Variants in HMOX2 observed in about 807,000 individuals in gnomAD.
HMOX2 encodes heme oxygenase (decycling) 2.
HMOX2 carries 30 observed loss-of-function variants against 33.7 expected under a neutral mutation model. The observed-to-expected ratio is 0.89, with a 90% CI of 0.67 to 1.21. HMOX2 has a LOEUF of 1.21. Ranked by LOEUF, HMOX2 falls within the 50% of genes most tolerant of loss-of-function variation. The pLI is 0.00. For synonymous variants in HMOX2, 155 were observed against 155.0 expected (o/e 1.00, Z 0.00); for missense variants, 403 against 399.1 (o/e 1.01, Z -0.08).
chr16:4,507,070 T>A (rs2058712510), intron 3 of HMOX2, 58 bp downstream of exon 3: 2 of 1,156,752 alleles, frequency 1.7e-6, no homozygotes, highest in Middle Eastern at 4.0e-4. Flanking sequence ...GGGGCCTTGG[T>A]CCCATGAGAA....
intron 1 of HMOX2, among the ~76,000 whole-genome samples, chr16:4,494,694 C>G (rs1172927762): frequency 6.6e-6 from 1 of 152,120 alleles, no homozygotes; most frequent in East Asian, 1.9e-4. Flanking sequence ...GCCTGGACAA[C>G]ATGGTGAAAC....
chr16:4,502,037 T>C (rs2058571824), intron 1 of HMOX2, among the ~76,000 whole-genome samples: 2 of 152,162 alleles, frequency 1.3e-5, no homozygotes, highest in African/African-American at 4.8e-5. Context: ...GTGTAGAAAA[T>C]TTGAAGTCGT....
In HMOX2 at chr16:4,489,900, C is replaced by T. The variant is rs1013936193; in HGVS notation, c.-42+13413C>T. Among the ~76,000 whole-genome samples, 5 of 152,288 alleles carry T rather than the reference C, an allele frequency of 3.3e-5. No individual in the cohort carries two copies. In the East Asian group the frequency reaches 5.8e-4, roughly 18 times the overall value. On this transcript the variant is annotated intron_variant, in intron 1 of 5. Transcript: ENST00000570646. ...TGTTGGGATTACAGGCGTGAGCCACCGCGCCCAGCCCATTATTCTTATATC... is the reference window on the plus strand; with the variant it reads ...TGTTGGGATTACAGGCGTGAGCCACTGCGCCCAGCCCATTATTCTTATATC...
At chr16:4,488,485 AT>A (rs1006958018) in intron 1 of HMOX2, among the ~76,000 whole-genome samples, 1 of 150,934 alleles carries the variant, frequency 6.6e-6, no homozygotes. Context: ...GGGATTTTTT[AT>A]TTTTTTTTCA....
intron 1 of HMOX2, among the ~76,000 whole-genome samples, chr16:4,483,383 C>G (rs932620266): frequency 2.7e-5 from 4 of 150,524 alleles, no homozygotes; most frequent in African/African-American, 1.0e-4. Context: ...AATCAGCCCC[C>G]ATCTAGGAGC....
At chr16:4,478,971 A>G (rs893894780) in intron 1 of HMOX2, among the ~76,000 whole-genome samples, 7 of 152,062 alleles carry the variant, frequency 4.6e-5, no homozygotes, top group African/African-American at 1.4e-4. Flanking sequence ...CCTGGCTAAC[A>G]TTGTGAAACC....
chr16:4,488,541 C>T (rs1596454130), intron 1 of HMOX2: 1 of 151,938 alleles, frequency 6.6e-6, no homozygotes, highest in East Asian at 1.9e-4. Flanking sequence ...ATAATGATAA[C>T]CTAAGGCCTT....
At chr16:4,493,473 ATCACTG>A (rs1445035897) in intron 1 of HMOX2, among the ~76,000 whole-genome samples, 4 of 152,232 alleles carry the variant, frequency 2.6e-5, no homozygotes, top group Non-Finnish European at 5.9e-5. Flanking sequence ...TGGAATTGTT[ATCACTG>A]TCCTTTACAG....
chr16:4,491,913 A>C (rs1374066260), intron 1 of HMOX2, among the ~76,000 whole-genome samples: 1 of 151,832 alleles, frequency 6.6e-6, no homozygotes, highest in Admixed American at 6.6e-5. Context: ...CGAGCTCCTG[A>C]CCTTGTGATT....
chr16:4,509,570 G>C (rs1187263029), intron 5 of HMOX2, 32 bp downstream of exon 5: 1 of 1,614,068 alleles, frequency 6.2e-7, no homozygotes, highest in Non-Finnish European at 8.5e-7. Context: ...TCCCCTCCTG[G>C]GGCAGGTGTA....
chr16:4,486,367 A>G (rs923371003), intron 1 of HMOX2, among the ~76,000 whole-genome samples: 2 of 152,128 alleles, frequency 1.3e-5, no homozygotes, highest in African/African-American at 4.8e-5. Context: ...TTCCTAGGAG[A>G]GGACTGCTGA....
intron 1 of HMOX2, among the ~76,000 whole-genome samples, chr16:4,489,785 G>T (rs973136689): frequency 6.6e-6 from 1 of 151,882 alleles, no homozygotes; most frequent in African/African-American, 2.4e-5. Flanking sequence ...ATAATTTTTG[G>T]GGGGAGGTAG....
intron 1 of HMOX2, among the ~76,000 whole-genome samples, chr16:4,489,661 G>A (rs941462617): frequency 3.3e-5 from 5 of 152,144 alleles, no homozygotes; most frequent in African/African-American, 9.7e-5. Context: ...GTTTCACCAT[G>A]TTGCCCAGGC....
intron 1 of HMOX2, among the ~76,000 whole-genome samples, chr16:4,501,197 T>A (rs1047440507): frequency 1.3e-5 from 2 of 152,046 alleles, no homozygotes; most frequent in Non-Finnish European, 2.9e-5. Context: ...ATTGAGTCAC[T>A]CCATATAAAA....
At chr16:4,478,171 C>A (rs147369872) in intron 1 of HMOX2, among the ~76,000 whole-genome samples, 152 of 152,160 alleles carry the variant, frequency 1.0e-3, no homozygotes, top group African/African-American at 3.3e-3. Context: ...TTCCTTTTTT[C>A]CTTGGCTGTG....
chr16:4,494,447 C>T (rs2058372791), intron 1 of HMOX2, among the ~76,000 whole-genome samples: 1 of 152,098 alleles, frequency 6.6e-6, no homozygotes. Context: ...GTCTAGAAAG[C>T]TTTCCTAGAA....
chr16:4,481,069 G>C (rs192076441), intron 1 of HMOX2, among the ~76,000 whole-genome samples: 68 of 151,864 alleles, frequency 4.5e-4, no homozygotes, highest in Non-Finnish European at 7.7e-4. Flanking sequence ...AATCTGGTCC[G>C]GGCGCGGTGG....
At chr16:4,504,750 C>T (rs1477534072) in intron 1 of HMOX2, among the ~76,000 whole-genome samples, 4 of 137,468 alleles carry the variant, frequency 2.9e-5, no homozygotes, top group East Asian at 2.1e-4. Flanking sequence ...AGTGCAACGG[C>T]GTGATCTCGG....
At chr16:4,479,739 T>C (rs1396771847) in intron 1 of HMOX2, among the ~76,000 whole-genome samples, 1 of 120,932 alleles carries the variant, frequency 8.3e-6, no homozygotes, top group Non-Finnish European at 1.6e-5. Flanking sequence ...TTTTTTTTTT[T>C]TTTTTTTTTT....
Sources: gnomAD v4.1 joint callset for allele counts (sites outside exome capture counted in the v4.1 genomes callset) on GRCh38, gnomAD v4.1.1 for gene constraint, MANE v1.5 for transcripts, NCBI Gene and HGNC (gene_info 2026-07-23, HGNC 2026-07-21) for gene names.